The following LRRC20 variants were observed in gnomAD, a reference collection of about 807,000 sequenced individuals.
LRRC20 encodes leucine rich repeat containing 20, also known as leucine-rich repeat-containing protein 20.
Under a neutral mutation model 14.4 loss-of-function variants are expected in LRRC20, and 11 were observed. The observed-to-expected ratio is 0.77, with a 90% CI of 0.48 to 1.27. The LOEUF is 1.27. LRRC20 is among the 50% of genes most tolerant of loss of function. The pLI, the probability that LRRC20 is intolerant of heterozygous loss-of-function variation, is 0.00. For synonymous variants in LRRC20, 121 were observed against 107.3 expected (o/e 1.13, Z -0.79); for missense variants, 219 against 251.2 (o/e 0.87, Z 0.87).
At chr10:70,308,211 T>C (rs1484447459) in intron 4 of LRRC20, among the ~76,000 whole-genome samples, 1 of 152,108 alleles carries the variant, frequency 6.6e-6, no homozygotes, top group Admixed American at 6.5e-5. Flanking sequence ...TCATAGGCCA[T>C]TGACAAGAAG....
intron 1 of LRRC20, among the ~76,000 whole-genome samples, chr10:70,379,791 T>C (rs929853938): frequency 6.6e-6 from 1 of 152,184 alleles, no homozygotes; most frequent in Non-Finnish European, 1.5e-5. Flanking sequence ...GGTGGTGCCT[T>C]AGACCAGCGG....
At chr10:70,309,310 A>G (rs1057126725) in intron 4 of LRRC20, among the ~76,000 whole-genome samples, 3 of 152,244 alleles carry the variant, frequency 2.0e-5, no homozygotes, top group South Asian at 4.1e-4. Flanking sequence ...TTGAGGCCCT[A>G]TGCTAGACAG....
chr10:70,351,385 C>G (rs1843302521), intron 2 of LRRC20, among the ~76,000 whole-genome samples: 2 of 152,118 alleles, frequency 1.3e-5, no homozygotes, highest in Admixed American at 1.3e-4. Flanking sequence ...CTCCATGTCT[C>G]CATCTGAGGT....
At chr10:70,337,377 G>A (rs1023688394) in intron 3 of LRRC20, among the ~76,000 whole-genome samples, 2 of 152,158 alleles carry the variant, frequency 1.3e-5, no homozygotes, top group Admixed American at 1.3e-4. Context: ...TGCTGCCACC[G>A]CATCCCTCAA....
chr10:70,304,895 G>A (rs1162315192), intron 4 of LRRC20, among the ~76,000 whole-genome samples: 1 of 152,124 alleles, frequency 6.6e-6, no homozygotes, highest in African/African-American at 2.4e-5. Flanking sequence ...GCCTTAAAAA[G>A]GAAGAAATGC....
At chr10:70,351,815 C>G (rs925359227) in intron 2 of LRRC20, among the ~76,000 whole-genome samples, 4 of 152,154 alleles carry the variant, frequency 2.6e-5, no homozygotes, top group African/African-American at 9.7e-5. Flanking sequence ...TTGATCGATC[C>G]TAATCACTGA....
intron 3 of LRRC20, among the ~76,000 whole-genome samples, chr10:70,332,796 T>C (rs995465650): frequency 1.3e-5 from 2 of 152,248 alleles, no homozygotes; most frequent in African/African-American, 4.8e-5. Context: ...TACATAGGCA[T>C]GGAATATCTC....
At chr10:70,370,578 G>A (rs4746030) in intron 2 of LRRC20, among the ~76,000 whole-genome samples, 32,235 of 151,802 alleles carry the variant, frequency 0.21, 4,004 homozygotes, top group Non-Finnish European at 0.27. Context: ...TATACTAAAA[G>A]TACAAAAATT....
intron 3 of LRRC20, among the ~76,000 whole-genome samples, chr10:70,326,973 T>A (rs562561090): frequency 6.6e-6 from 1 of 152,302 alleles, no homozygotes; most frequent in South Asian, 2.1e-4. Flanking sequence ...TGTTCAGAAT[T>A]TTTTTAAATG....
Position 70,300,670 on chromosome 10 carries a change from A to C in LRRC20, c.*684T>G. The C allele has an allele frequency of 1.0e-6, 1 of 985,634 alleles. No individual in the cohort carries two copies. The highest frequency in any genetic ancestry group is 1.2e-6 in the Non-Finnish European group (1 of 830,104). 61.1% of individuals were successfully genotyped at this position (985,634 alleles called of 1,614,324 possible). ...ATTTGTTAACTGTGGGGAATGACAGAGCTGACGTGACTTGCTCCCCATTCC... is the reference window on the plus strand; with the variant it reads ...ATTTGTTAACTGTGGGGAATGACAGCGCTGACGTGACTTGCTCCCCATTCC... On this transcript the variant is annotated 3_prime_UTR_variant, in exon 5 of 5. Coordinates refer to ENST00000446961, the MANE Select transcript of LRRC20 (RefSeq NM_001278212.2).
At chr10:70,351,387 A>T (rs1441081777) in intron 2 of LRRC20, among the ~76,000 whole-genome samples, 1 of 152,180 alleles carries the variant, frequency 6.6e-6, no homozygotes, top group Non-Finnish European at 1.5e-5. Context: ...CCATGTCTCC[A>T]TCTGAGGTCA....
intron 4 of LRRC20, among the ~76,000 whole-genome samples, chr10:70,322,791 C>T (rs1041988826): frequency 5.9e-5 from 9 of 152,072 alleles, no homozygotes; most frequent in Admixed American, 4.6e-4. Context: ...GTTTGGGCCT[C>T]GTTTGATTCA....
chr10:70,345,956 C>A (rs1843058911), intron 2 of LRRC20, among the ~76,000 whole-genome samples: 1 of 152,022 alleles, frequency 6.6e-6, no homozygotes, highest in South Asian at 2.1e-4. Flanking sequence ...ACAGCAAGAC[C>A]CGTCTCTACA....
chr10:70,319,859 G>C (rs1003523277), intron 4 of LRRC20, among the ~76,000 whole-genome samples: 1 of 152,152 alleles, frequency 6.6e-6, no homozygotes, highest in Non-Finnish European at 1.5e-5. Context: ...GGAGTGCCTA[G>C]AGTAAACAAC....
Position 70,300,078 on chromosome 10 carries a change from T to A in LRRC20, c.*1276A>T, listed in dbSNP as rs1041737100. 4.6e-5 allele frequency: 7 copies of A among 152,466 alleles called. No individual in the cohort carries two copies. Among genetic ancestry groups the A allele is most frequent in the African/African-American group, 1.7e-4 (7 of 41,406 alleles). 9.4% of individuals were successfully genotyped at this position (152,466 alleles called of 1,614,324 possible). ...TTGCCTCAAGCTCTGGGGCCTCAGG[T>A]GTCTCTGGAGATGCAAACAAAGATG... On this transcript the variant is annotated 3_prime_UTR_variant, in exon 5 of 5. Transcript: ENST00000446961.
intron 4 of LRRC20, among the ~76,000 whole-genome samples, chr10:70,318,304 G>A (rs1341513702): frequency 2.0e-5 from 3 of 152,214 alleles, no homozygotes; most frequent in Non-Finnish European, 2.9e-5. Context: ...CAGGGAATGT[G>A]CATTTCTAAC....
chr10:70,309,454 G>A (rs1841558234), intron 4 of LRRC20, among the ~76,000 whole-genome samples: 1 of 152,196 alleles, frequency 6.6e-6, no homozygotes, highest in African/African-American at 2.4e-5. Flanking sequence ...AACACACAAC[G>A]CAGAGGGGCA....
At chr10:70,348,453 C>A (rs1778035428) in intron 2 of LRRC20, among the ~76,000 whole-genome samples, 1 of 152,222 alleles carries the variant, frequency 6.6e-6, no homozygotes, top group African/African-American at 2.4e-5. Context: ...GGAATAATAA[C>A]AACCATAAAC....
chr10:70,307,319 G>A (rs1353412997), intron 4 of LRRC20, among the ~76,000 whole-genome samples: 3 of 152,202 alleles, frequency 2.0e-5, no homozygotes, highest in Non-Finnish European at 2.9e-5. Context: ...CTGTCCTTAG[G>A]AGCCAATGTG....
Sources: gnomAD v4.1 joint callset for allele counts (sites outside exome capture counted in the v4.1 genomes callset) on GRCh38, gnomAD v4.1.1 for gene constraint, MANE v1.5 for transcripts, NCBI Gene and HGNC (gene_info 2026-07-23, HGNC 2026-07-21) for gene names.